The following ETS1 variants were observed in gnomAD, a reference collection of about 807,000 sequenced individuals.
ETS1 encodes the protein protein C-ets-1.
ETS1 carries 15 observed loss-of-function variants against 58.6 expected under a neutral mutation model. The ratio of observed to expected loss-of-function variants is 0.26; its 90% confidence interval spans 0.17 to 0.39. The LOEUF (loss-of-function observed/expected upper bound fraction) is 0.39, where lower values mean the gene tolerates loss of function less well. Ranked by LOEUF, ETS1 falls within the 10% of genes least tolerant of loss-of-function variation. The pLI, the probability that ETS1 is intolerant of heterozygous loss-of-function variation, is 1.00. For missense variants in ETS1, 417 were observed against 610.5 expected, an observed-to-expected ratio of 0.68 and a Z score of 3.34; for synonymous variants, 214 against 218.2, an observed-to-expected ratio of 0.98 and a Z score of 0.17.
At chr11:128,567,592 C>G (rs562545068) in intron 2 of ETS1, among the ~76,000 whole-genome samples, 11 of 144,644 alleles carry the variant, frequency 7.6e-5, no homozygotes, top group African/African-American at 2.3e-4. Flanking sequence ...GAAAGAGTGG[C>G]AAGTTTTTTG....
intron 8 of ETS1, among the ~76,000 whole-genome samples, chr11:128,468,751 C>T (rs1047534353): frequency 2.0e-5 from 3 of 152,086 alleles, no homozygotes; most frequent in Non-Finnish European, 4.4e-5. Context: ...TCCATTTCTC[C>T]CATCACTAGA....
intron 3 of ETS1, among the ~76,000 whole-genome samples, chr11:128,548,112 G>GAAGGAAAGGAAAGGAAAGGAAAGGA (rs139704582): frequency 6.2e-4 from 61 of 97,766 alleles, no homozygotes; most frequent in Middle Eastern, 9.3e-3. Context: ...AAAGGAAAGG[G>GAAGGAAAGGAAAGGAAAGGAAAGGA]AAGGAAAGGA....
intron 3 of ETS1, among the ~76,000 whole-genome samples, chr11:128,544,968 G>A (rs943560879): frequency 1.3e-5 from 2 of 151,750 alleles, no homozygotes; most frequent in African/African-American, 2.4e-5. Flanking sequence ...AAACTTCTTA[G>A]GGTTTAGTCT....
At chr11:128,583,996 G>T (rs1318608003) in intron 1 of ETS1, among the ~76,000 whole-genome samples, 2 of 152,060 alleles carry the variant, frequency 1.3e-5, no homozygotes, top group African/African-American at 2.4e-5. Flanking sequence ...TAATTATATT[G>T]TCTTTCATTT....
At chr11:128,467,518 G>A (rs1373205636) in intron 8 of ETS1, among the ~76,000 whole-genome samples, 1 of 152,108 alleles carries the variant, frequency 6.6e-6, no homozygotes, top group East Asian at 1.9e-4. Flanking sequence ...TCCTAAACTT[G>A]TAAAGCCTCT....
rs565899021 is a variant in ETS1, at chr11:128,507,745, G to T, written c.215-17169C>A. Among the ~76,000 whole-genome samples the T allele has an allele frequency of 2.6e-3, 399 of 152,254 alleles. 2 individuals carry two copies. The highest frequency in any genetic ancestry group is 9.2e-3 in the African/African-American group (381 of 41,554). ...TCTTGAATCTTATTATCTTCAGGGG[G>T]CTGCCAGGTCTTCACTGACCTGGAC... On this transcript the variant is annotated intron_variant, in intron 3 of 9. Coordinates refer to ENST00000392668, the MANE Select transcript of ETS1 (RefSeq NM_001143820.2).
At chr11:128,513,869 T>C (rs1466991949) in intron 3 of ETS1, among the ~76,000 whole-genome samples, 1 of 152,158 alleles carries the variant, frequency 6.6e-6, no homozygotes, top group African/African-American at 2.4e-5. Context: ...CTGGGCAACA[T>C]AGCGAGACCT....
intron 8 of ETS1, among the ~76,000 whole-genome samples, chr11:128,474,416 G>A (rs1038458461): frequency 3.3e-5 from 5 of 152,098 alleles, no homozygotes; most frequent in Admixed American, 2.0e-4. Flanking sequence ...TAGTGAGGAC[G>A]AATCTTTTTA....
rs377507637 is a variant in ETS1, at chr11:128,535,639, C to G, written c.214+20652G>C. On this transcript the variant is annotated intron_variant, in intron 3 of 9. Transcript: ENST00000392668. ...AAACAACCAAAGTCAATGAGTGGGT[C>G]TCATCCCTGACACATCAAGTCTTAT... Among the ~76,000 whole-genome samples the G allele has an allele frequency of 8.9e-4, 136 of 152,296 alleles. 1 individual carries two copies. Among genetic ancestry groups the G allele is most frequent in the African/African-American group, 2.8e-3 (116 of 41,566 alleles).
chr11:128,580,075 C>G (rs1864834708), intron 1 of ETS1, among the ~76,000 whole-genome samples: 1 of 148,418 alleles, frequency 6.7e-6, no homozygotes, highest in Admixed American at 6.8e-5. Flanking sequence ...TGTCTGTTTA[C>G]TAAATGAGGG....
chr11:128,482,233 C>T (rs1862506290), intron 7 of ETS1, among the ~76,000 whole-genome samples: 1 of 152,156 alleles, frequency 6.6e-6, no homozygotes, highest in Admixed American at 6.5e-5. Context: ...CAGCCTACAA[C>T]CAGAATGTCA....
At chr11:128,548,798 G>T (rs932964917) in intron 3 of ETS1, among the ~76,000 whole-genome samples, 2 of 152,208 alleles carry the variant, frequency 1.3e-5, no homozygotes, top group African/African-American at 2.4e-5. Flanking sequence ...TGCTGGCAGC[G>T]CCGGGGTTAA....
At chr11:128,503,640 G>A (rs1241483310) in intron 3 of ETS1, among the ~76,000 whole-genome samples, 1 of 152,132 alleles carries the variant, frequency 6.6e-6, no homozygotes, top group East Asian at 1.9e-4. Context: ...ACCTGGTACG[G>A]TACTTCATTC....
intron 1 of ETS1, among the ~76,000 whole-genome samples, chr11:128,585,694 C>G (rs1865018970): frequency 6.6e-6 from 1 of 152,172 alleles, no homozygotes; most frequent in Non-Finnish European, 1.5e-5. Flanking sequence ...TTTCATAGCC[C>G]TATGCTGTTT....
chr11:128,489,907 C>T (rs191863573), intron 4 of ETS1, among the ~76,000 whole-genome samples: 1 of 152,244 alleles, frequency 6.6e-6, no homozygotes, highest in Admixed American at 6.5e-5. Context: ...ATACTTGAGA[C>T]TATTATTCTC....
At chr11:128,482,646 T>A (rs1377090325) in intron 7 of ETS1, among the ~76,000 whole-genome samples, 1 of 152,170 alleles carries the variant, frequency 6.6e-6, no homozygotes, top group Non-Finnish European at 1.5e-5. Flanking sequence ...TTTAGCTCGA[T>A]TTCACAACCC....
chr11:128,533,841 C>T (rs1863935148), intron 3 of ETS1, among the ~76,000 whole-genome samples: 1 of 152,152 alleles, frequency 6.6e-6, no homozygotes, highest in Admixed American at 6.5e-5. Context: ...AGTTTAAACA[C>T]AAGGACTTAG....
chr11:128,532,464 C>T (rs748066288), intron 3 of ETS1, among the ~76,000 whole-genome samples: 2 of 152,202 alleles, frequency 1.3e-5, no homozygotes, highest in Non-Finnish European at 2.9e-5. Flanking sequence ...GCTAGTTGCC[C>T]GCTCCATTTT....
intron 1 of ETS1, among the ~76,000 whole-genome samples, chr11:128,584,094 C>A (rs1864927414): frequency 6.6e-6 from 1 of 152,180 alleles, no homozygotes; most frequent in Non-Finnish European, 1.5e-5. Context: ...TGGTCTCCAG[C>A]ACAAGGCTGG....
Sources: gnomAD v4.1 joint callset for allele counts (sites outside exome capture counted in the v4.1 genomes callset) on GRCh38, gnomAD v4.1.1 for gene constraint, MANE v1.5 for transcripts, NCBI Gene and HGNC (gene_info 2026-07-23, HGNC 2026-07-21) for gene names.